CEP350: variants seen among roughly 807,000 people sequenced by gnomAD.
CEP350 encodes the protein centrosomal protein 350.
In CEP350, 126 loss-of-function variants were observed where a neutral mutation model predicts 331.8. The observed-to-expected ratio is 0.38, with a 90% CI of 0.33 to 0.44. The LOEUF (loss-of-function observed/expected upper bound fraction) is 0.44. Ranked by LOEUF, CEP350 falls within the 20% of genes least tolerant of loss-of-function variation. CEP350 has a pLI of 1.00. For missense variants in CEP350, 3,406 were observed against 3,634.6 expected, an observed-to-expected ratio of 0.94 and a Z score of 1.62; for synonymous variants, 1,200 against 1,259.5, an observed-to-expected ratio of 0.95 and a Z score of 1.00.
chr1:180,003,323 G>A (rs1350870711), intron 7 of CEP350, 36 bp downstream of exon 7: 5 of 1,273,306 alleles, frequency 3.9e-6, no homozygotes, highest in Non-Finnish European at 5.6e-6. Context: ...TGAGTATTTT[G>A]TCATACATGC....
chr1:180,059,916 C>T (rs895247551), intron 25 of CEP350, among the ~76,000 whole-genome samples: 6 of 151,660 alleles, frequency 4.0e-5, no homozygotes, highest in African/African-American at 1.5e-4. Flanking sequence ...TGAAGTGTGT[C>T]AACATTTAGA....
chr1:180,053,770 A>C lies in CEP350; in HGVS notation c.5010A>C (p.Ser1670=), dbSNP rs762980695. 5.6e-6 allele frequency: 9 copies of C among 1,595,568 alleles called. No individual in the cohort carries two copies. Among genetic ancestry groups the C allele is most frequent in the African/African-American group, 1.3e-5 (1 of 74,624 alleles). ...STAKELNMPF[S]GGQDSFSKFT... The stretch of plus-strand genomic sequence containing the variant: ...TTTAGGAACTGAACATGCCATTCTC[A>C]GGAGGACAAGATAGCTTTTCTAAAT... The change falls in exon 24 of 38, where the codon TCA becomes TCC. Residue 1670 remains serine (S), a synonymous_variant. Transcript: ENST00000367607.
In CEP350 at chr1:180,022,807, G is replaced by A. The variant is rs778572918; in HGVS notation, c.3345G>A (p.Gly1115=). 16 of 1,600,686 alleles carry A rather than the reference G, an allele frequency of 1.0e-5. No individual in the cohort carries two copies. Among genetic ancestry groups the A allele is most frequent in the Middle Eastern group, 1.6e-4 (1 of 6,064 alleles). Reference sequence around the variant, plus strand: ...AAGATGATTTTGTCTCCTCTCCAGGGACTGGGACTTCGACAGAAAAAAAAT... The same window carrying A: ...AAGATGATTTTGTCTCCTCTCCAGGAACTGGGACTTCGACAGAAAAAAAAT... ...SYEDDFVSSP[G]TGTSTEKKST... Residue 1115 remains glycine, a synonymous_variant, in exon 13 of 38, where the codon GGG becomes GGA. Transcript: ENST00000367607.
chr1:180,103,335 C>T (rs1429205726), intron 37 of CEP350, among the ~76,000 whole-genome samples: 1 of 152,066 alleles, frequency 6.6e-6, no homozygotes, highest in Non-Finnish European at 1.5e-5. Context: ...GTGCAAGCTT[C>T]CAGCTTGTTT....
Position 179,986,293 on chromosome 1 carries a change from T to C in CEP350, c.73+39T>C, listed in dbSNP as rs1228656579. ...TTTTTAAACAGAACTTAATACCTCATTTAGGTCATGTGTATTAAATTTTGG... is the reference window on the plus strand; with the variant it reads ...TTTTTAAACAGAACTTAATACCTCACTTAGGTCATGTGTATTAAATTTTGG... On this transcript the variant is annotated intron_variant, in intron 2 of 37. Coordinates refer to ENST00000367607, the MANE Select transcript of CEP350 (RefSeq NM_014810.5). 3 of 1,401,748 alleles carry C rather than the reference T, an allele frequency of 2.1e-6. No individual in the cohort carries two copies. The South Asian group carries it at 3.8e-5, about 18-fold the overall frequency. 86.8% of individuals were successfully genotyped at this position (1,401,748 alleles called of 1,614,324 possible).
At chr1:180,050,916 G>A (rs1657458703) in intron 22 of CEP350, among the ~76,000 whole-genome samples, 1 of 152,158 alleles carries the variant, frequency 6.6e-6, no homozygotes, top group African/African-American at 2.4e-5. Context: ...TAACAAGGAT[G>A]CAGAGCAACA....
intron 33 of CEP350, among the ~76,000 whole-genome samples, chr1:180,091,862 T>TA (rs1558153385): frequency 6.6e-6 from 1 of 150,520 alleles, no homozygotes; most frequent in Non-Finnish European, 1.5e-5. Flanking sequence ...AGTGAGAAAA[T>TA]AAAACTGAGG....
intron 14 of CEP350, among the ~76,000 whole-genome samples, chr1:180,025,161 T>C (rs888443954): frequency 1.3e-5 from 2 of 152,170 alleles, no homozygotes; most frequent in African/African-American, 4.8e-5. Context: ...CCTGACCTCG[T>C]GATCCACCCG....
chr1:179,987,246 T>C lies in CEP350; in HGVS notation c.80T>C (p.Ile27Thr), dbSNP rs375252947. Residue 27 changes from isoleucine (I) to threonine (T), a missense_variant, in exon 3 of 38, where the codon ATA (isoleucine) becomes ACA (threonine). Transcript: ENST00000367607. Reference sequence around the variant, plus strand: ...ATATCATTTTTTTTCCCAGCAGATATAACCACATCGTGGGATGCACTTTCT... The same window carrying C: ...ATATCATTTTTTTTCCCAGCAGATACAACCACATCGTGGGATGCACTTTCT... ...SQSKDTVQADITTSWDALSQT... is the reference protein window; with the variant it reads ...SQSKDTVQADTTTSWDALSQT... 51 of 1,541,130 alleles carry C rather than the reference T, an allele frequency of 3.3e-5. No homozygotes were observed. In the Middle Eastern group the frequency reaches 6.7e-4, roughly 20 times the overall value.
rs766324044 is a variant in CEP350 at position 180,031,489 on chromosome 1, T to C, written c.3720T>C (p.Ser1240=). The C allele has an allele frequency of 2.1e-6, 3 of 1,411,992 alleles. No individual in the cohort carries two copies. Among genetic ancestry groups the C allele is most frequent in the Admixed American group, 5.1e-5 (2 of 38,952 alleles). 87.5% of individuals were successfully genotyped at this position (1,411,992 alleles called of 1,614,324 possible). The change falls in exon 15 of 38, where the codon TCT becomes TCC. Residue 1240 remains serine (S), a synonymous_variant. Coordinates refer to ENST00000367607, the MANE Select transcript of CEP350 (RefSeq NM_014810.5). ...DSTLEDLSGH[S]VSVSSDKGRS... ...CTTTGGAGGATCTTTCTGGACATTCTGTGAGGTAATGTATATTTTATACTG... is the reference window on the plus strand; with the variant it reads ...CTTTGGAGGATCTTTCTGGACATTCCGTGAGGTAATGTATATTTTATACTG...
Position 180,093,536 on chromosome 1 carries a change from G to A in CEP350, c.7431G>A (p.Gln2477=), listed in dbSNP as rs144866695. 9.9e-6 allele frequency: 16 copies of A among 1,613,484 alleles called. No individual in the cohort carries two copies. The highest frequency in any genetic ancestry group is 2.2e-5 in the South Asian group (2 of 91,032). The change falls in exon 34 of 38, where the codon CAG becomes CAA. Residue 2477 remains glutamine, a synonymous_variant. Coordinates refer to ENST00000367607, the MANE Select transcript of CEP350 (RefSeq NM_014810.5). The part of the protein sequence containing the change: ...SKERSDVEHE[Q]QVTESPSLAS... ...AGCGCAGTGATGTGGAGCATGAACA[G>A]CAAGTTACTGAATCCCCTTCCTTGG...
intron 37 of CEP350, among the ~76,000 whole-genome samples, chr1:180,102,746 T>C (rs1339272979): frequency 6.6e-6 from 1 of 152,258 alleles, no homozygotes; most frequent in Admixed American, 6.5e-5. Context: ...CTCTCAGTCT[T>C]TAAAATGTCT....
At chr1:180,069,549 C>G (rs940304847) in intron 27 of CEP350, among the ~76,000 whole-genome samples, 2 of 152,070 alleles carry the variant, frequency 1.3e-5, no homozygotes, top group African/African-American at 4.8e-5. Flanking sequence ...TAGTCTGATA[C>G]TTTGTTTTTA....
chr1:179,965,393 A>G (rs546455696), intron 1 of CEP350, among the ~76,000 whole-genome samples: 58 of 152,232 alleles, frequency 3.8e-4, no homozygotes, highest in Middle Eastern at 6.8e-3. Context: ...AGTATTCTGT[A>G]GAAGTCTGTT....
intron 15 of CEP350, 80 bp from the exon 16 acceptor site, chr1:180,033,782 A>G (rs1053288130): frequency 1.2e-5 from 17 of 1,378,492 alleles, no homozygotes; most frequent in Non-Finnish European, 1.7e-5. Context: ...GTTTTTTTAT[A>G]TGTTGTTCTT....
intron 16 of CEP350, among the ~76,000 whole-genome samples, chr1:180,035,286 G>A (rs935341730): frequency 6.6e-6 from 1 of 152,232 alleles, no homozygotes; most frequent in Non-Finnish European, 1.5e-5. Context: ...AGCAACAAGT[G>A]CTAATGTAGA....
intron 17 of CEP350, among the ~76,000 whole-genome samples, chr1:180,039,308 G>A (rs1424394018): frequency 6.7e-6 from 1 of 149,664 alleles, no homozygotes; most frequent in East Asian, 2.0e-4. Flanking sequence ...AGGGGAGGGA[G>A]GAGAGGGATA....
intron 6 of CEP350, chr1:180,000,382 A>G (rs976363998): frequency 6.6e-6 from 1 of 151,074 alleles, no homozygotes; most frequent in African/African-American, 2.4e-5. Context: ...ATTAATCCTC[A>G]TGAAAAATCT....
chr1:180,094,341 C>T lies in CEP350; in HGVS notation c.8236C>T (p.Gln2746Ter). ...ACTAAATGAGGAAAAAAAGTCAAAA[C>T]AACAACTGGAAAAAATCAGCTTACT... ...SSLNEEKKSK[Q>*]QLEKISLLTD... The change falls in exon 34 of 38, where the codon CAA becomes TAA. Residue 2746 changes from glutamine (Q) to a stop codon, truncating the protein, a stop_gained. Coordinates refer to ENST00000367607, the MANE Select transcript of CEP350 (RefSeq NM_014810.5). LOFTEE classifies it high-confidence loss of function. The T allele has an allele frequency of 6.2e-7, 1 of 1,613,818 alleles. No homozygotes were observed. Among genetic ancestry groups the T allele is most frequent in the Non-Finnish European group, 8.5e-7 (1 of 1,179,826 alleles).
Sources: allele counts gnomAD v4.1 joint callset (sites outside exome capture counted in the v4.1 genomes callset), GRCh38; gene constraint gnomAD v4.1.1; transcripts MANE v1.5; gene names NCBI Gene and HGNC (gene_info 2026-07-23, HGNC 2026-07-21).